The following HSD17B6 variants were observed in gnomAD, a reference collection of about 807,000 sequenced individuals.
The protein encoded by HSD17B6 is hydroxysteroid 17-beta dehydrogenase 6.
A neutral mutation model predicts 26.4 loss-of-function variants in HSD17B6; 16 were observed. The observed-to-expected ratio is 0.61, with a 90% CI of 0.41 to 0.92. HSD17B6 has a LOEUF of 0.92. HSD17B6 is among the 40% of genes least tolerant of loss of function. HSD17B6 has a pLI of 0.00. For missense variants in HSD17B6, 357 were observed against 386.1 expected (o/e 0.92, Z 0.63); for synonymous variants, 139 against 153.0 (o/e 0.91, Z 0.68).
chr12:56,765,409 C>T (rs1056868751), intron 1 of HSD17B6, among the ~76,000 whole-genome samples: 1 of 152,108 alleles, frequency 6.6e-6, no homozygotes, highest in Admixed American at 6.5e-5. Context: ...GCACTCCAGC[C>T]TGGCGACAGA....
intron 1 of HSD17B6, among the ~76,000 whole-genome samples, chr12:56,773,629 T>TA (rs796148179): frequency 6.6e-4 from 100 of 152,340 alleles, no homozygotes; most frequent in African/African-American, 2.3e-3. Context: ...ATACTTCTGT[T>TA]ATGGCACCTT....
intron 1 of HSD17B6, among the ~76,000 whole-genome samples, chr12:56,766,744 T>C (rs1400146248): frequency 1.3e-5 from 2 of 152,140 alleles, no homozygotes; most frequent in East Asian, 1.9e-4. Flanking sequence ...GCTTCTGTGA[T>C]AGGCCAATCA....
chr12:56,775,308 C>T (rs1017298872), intron 2 of HSD17B6, among the ~76,000 whole-genome samples: 2 of 152,146 alleles, frequency 1.3e-5, no homozygotes, highest in Admixed American at 1.3e-4. Flanking sequence ...GCCTTGATCT[C>T]CTGGGCTCAA....
chr12:56,770,364 A>G (rs992741487), intron 1 of HSD17B6: 1 of 152,478 alleles, frequency 6.6e-6, no homozygotes, highest in African/African-American at 2.4e-5. Flanking sequence ...CCTGCCCTCC[A>G]ATTCATGCAG....
At chr12:56,768,141 A>ATCT (rs897915758) in intron 1 of HSD17B6, among the ~76,000 whole-genome samples, 1 of 152,098 alleles carries the variant, frequency 6.6e-6, no homozygotes, top group Non-Finnish European at 1.5e-5. Flanking sequence ...TCTGAAAGCA[A>ATCT]TCTTCTTCTT....
intron 2 of HSD17B6, among the ~76,000 whole-genome samples, chr12:56,776,771 C>T (rs1333435764): frequency 6.6e-6 from 1 of 152,178 alleles, no homozygotes; most frequent in Non-Finnish European, 1.5e-5. Context: ...CTTGCCTCAG[C>T]CTCCCAAAAT....
intron 4 of HSD17B6, chr12:56,785,950 A>G (rs1025440435): frequency 1.0e-6 from 1 of 985,120 alleles, no homozygotes; most frequent in African/African-American, 1.7e-5. Flanking sequence ...CTATAAGAAT[A>G]TTATTCTGAA....
At chr12:56,777,573 G>C (rs762309026) in intron 2 of HSD17B6, among the ~76,000 whole-genome samples, 2 of 152,016 alleles carry the variant, frequency 1.3e-5, no homozygotes, top group Non-Finnish European at 2.9e-5. Context: ...ATGTTGGTCA[G>C]ACTGGTCTCG....
intron 1 of HSD17B6, among the ~76,000 whole-genome samples, chr12:56,771,900 T>G (rs1349527269): frequency 6.6e-6 from 1 of 152,192 alleles, no homozygotes; most frequent in Non-Finnish European, 1.5e-5. Flanking sequence ...TCCCCCATGT[T>G]GAGTTCTCAT....
intron 1 of HSD17B6, among the ~76,000 whole-genome samples, chr12:56,764,312 AG>A: frequency 6.6e-6 from 1 of 152,218 alleles, no homozygotes. Context: ...TAACCAAAGA[AG>A]GGAATAAAGG....
At chr12:56,778,612 C>T (rs1404068217) in intron 2 of HSD17B6, among the ~76,000 whole-genome samples, 3 of 150,792 alleles carry the variant, frequency 2.0e-5, no homozygotes, top group Non-Finnish European at 4.4e-5. Context: ...TCTAGTCCTT[C>T]TCTCAGTTTA....
At chr12:56,785,360 ATAAT>A (rs1954853982) in intron 4 of HSD17B6, among the ~76,000 whole-genome samples, 1 of 152,246 alleles carries the variant, frequency 6.6e-6, no homozygotes, top group African/African-American at 2.4e-5. Flanking sequence ...TTATGGGACT[ATAAT>A]TCAAGATGAG....
intron 2 of HSD17B6, among the ~76,000 whole-genome samples, chr12:56,777,422 C>T (rs1348135210): frequency 2.7e-5 from 4 of 148,088 alleles, no homozygotes; most frequent in East Asian, 2.0e-4. Flanking sequence ...TGGCGTGCAA[C>T]GGCATGATCT....
chr12:56,783,763 G>A (rs1441268079), intron 3 of HSD17B6, among the ~76,000 whole-genome samples: 25 of 149,624 alleles, frequency 1.7e-4, no homozygotes, highest in African/African-American at 4.9e-4. Flanking sequence ...CAGTAGGGGC[G>A]GCCGGGCAGA....
rs951296269 is a variant in HSD17B6 at position 56,785,081 on chromosome 12, G to T, written c.736+65G>T. 7.5e-6 allele frequency: 11 copies of T among 1,462,300 alleles called. No individual in the cohort carries two copies. The Admixed American group carries it at 1.3e-4, about 18-fold the overall frequency. 90.6% of individuals were successfully genotyped at this position (1,462,300 alleles called of 1,614,324 possible). On this transcript the variant is annotated intron_variant, in intron 4 of 4. Transcript: ENST00000322165. ...TATTAGTCCATTCTCATGCTGCTAT[G>T]AAGAAATAACTGAGACTGGGTAATT...
At chr12:56,774,930 G>C (rs1954558729) in intron 2 of HSD17B6, among the ~76,000 whole-genome samples, 1 of 152,196 alleles carries the variant, frequency 6.6e-6, no homozygotes, top group Non-Finnish European at 1.5e-5. Flanking sequence ...CCATGGGCTG[G>C]TACCAGTCTA....
At chr12:56,771,676 T>A (rs1954477070) in intron 1 of HSD17B6, among the ~76,000 whole-genome samples, 1 of 152,148 alleles carries the variant, frequency 6.6e-6, no homozygotes, top group Admixed American at 6.6e-5. Flanking sequence ...CAGGCTGATC[T>A]CAAACTCCTG....
chr12:56,777,582 C>T (rs994403070), intron 2 of HSD17B6, among the ~76,000 whole-genome samples: 10 of 152,020 alleles, frequency 6.6e-5, no homozygotes, highest in African/African-American at 2.4e-4. Flanking sequence ...AGACTGGTCT[C>T]GAACTCCTGA....
At chr12:56,782,631 C>G (rs1954747794) in intron 3 of HSD17B6, among the ~76,000 whole-genome samples, 1 of 151,224 alleles carries the variant, frequency 6.6e-6, no homozygotes, top group Admixed American at 6.6e-5. Flanking sequence ...GTAGCTGGGA[C>G]TATGGGTGCA....
Sources: allele counts gnomAD v4.1 joint callset (sites outside exome capture counted in the v4.1 genomes callset), GRCh38; gene constraint gnomAD v4.1.1; transcripts MANE v1.5; gene names NCBI Gene and HGNC (gene_info 2026-07-23, HGNC 2026-07-21).